The following TLR6 variants were observed in gnomAD, a reference collection of about 807,000 sequenced individuals.
TLR6 encodes the protein toll like receptor 6.
A neutral mutation model predicts 16.1 loss-of-function variants in TLR6; 9 were observed. The ratio of observed to expected loss-of-function variants is 0.56; its 90% CI spans 0.34 to 0.98. The LOEUF is 0.98. Among genes scored for constraint, TLR6 ranks in the 50% least tolerant of loss-of-function variants. The pLI, the probability that TLR6 is intolerant of heterozygous loss-of-function variation, is 0.02. For synonymous variants in TLR6, 340 were observed against 338.6 expected, an observed-to-expected ratio of 1.00 and a Z score of -0.04; for missense variants, 786 against 921.0, an observed-to-expected ratio of 0.85 and a Z score of 1.90.
At chr4:38,827,654 A>C (rs62622399) in exon 2 of TLR6, 21 of 1,614,112 alleles carry the variant, frequency 1.3e-5, no homozygotes, top group Non-Finnish European at 1.6e-5. Flanking sequence ...ATCCAAGTAG[A>C]TGCAGAGGGA....
At chr4:38,858,907 A>G (rs995921977), upstream of TLR6, among the ~76,000 whole-genome samples, 4 of 149,444 alleles carry the variant, frequency 2.7e-5, no homozygotes, top group African/African-American at 1.0e-4. Flanking sequence ...AAGAAAGAAA[A>G]GAAAGAAAGA....
chr4:38,834,350 G>A (rs11489109), intron 1 of TLR6, among the ~76,000 whole-genome samples: 4,713 of 120,944 alleles, frequency 0.039, 265 homozygotes, highest in African/African-American at 0.13. Flanking sequence ...CCAGTGAGGC[G>A]AAAAAAAAAA....
At chr4:38,838,298 T>C (rs1403488135) in intron 1 of TLR6, among the ~76,000 whole-genome samples, 1 of 152,226 alleles carries the variant, frequency 6.6e-6, no homozygotes, top group African/African-American at 2.4e-5. Flanking sequence ...TGCACCTCCA[T>C]GTTCATTGCA....
intron 1 of TLR6, among the ~76,000 whole-genome samples, chr4:38,851,025 A>G (rs961510923): frequency 9.9e-5 from 15 of 152,186 alleles, no homozygotes; most frequent in African/African-American, 3.6e-4. Context: ...CAAAAAGCTT[A>G]TCCACCATGA....
intron 1 of TLR6, among the ~76,000 whole-genome samples, chr4:38,837,273 G>A (rs867461796): frequency 6.6e-6 from 1 of 152,148 alleles, no homozygotes; most frequent in Middle Eastern, 3.4e-3. Context: ...ACCCCAAATA[G>A]CCAAATCAGT....
At chr4:38,837,289 G>A (rs1051636453) in intron 1 of TLR6, among the ~76,000 whole-genome samples, 3 of 152,228 alleles carry the variant, frequency 2.0e-5, no homozygotes, top group East Asian at 1.9e-4. Context: ...TCAGTACTGA[G>A]GAAAAGGGGC....
chr4:38,847,983 T>A (rs111570961), intron 1 of TLR6, among the ~76,000 whole-genome samples: 4,750 of 152,268 alleles, frequency 0.031, 218 homozygotes, highest in African/African-American at 0.087. Flanking sequence ...ACAGACTGCC[T>A]CCTCAAGTGG....
intron 1 of TLR6, among the ~76,000 whole-genome samples, chr4:38,847,443 C>G (rs894660242): frequency 2.6e-5 from 4 of 152,060 alleles, no homozygotes; most frequent in African/African-American, 9.7e-5. Context: ...GGGGGCAGGA[C>G]AGTGGGTGCA....
intron 1 of TLR6, among the ~76,000 whole-genome samples, chr4:38,840,968 G>A (rs1323743270): frequency 6.6e-6 from 1 of 152,054 alleles, no homozygotes; most frequent in Non-Finnish European, 1.5e-5. Flanking sequence ...GGTGAAAGTT[G>A]GCCAGCTCTT....
chr4:38,854,182 A>G (rs1297338231), intron 1 of TLR6, among the ~76,000 whole-genome samples: 1 of 152,236 alleles, frequency 6.6e-6, no homozygotes, highest in Admixed American at 6.5e-5. Flanking sequence ...CACAAAAAAT[A>G]AAACAGCACG....
At chr4:38,846,174 G>A (rs1186289442) in intron 1 of TLR6, among the ~76,000 whole-genome samples, 2 of 151,318 alleles carry the variant, frequency 1.3e-5, no homozygotes, top group African/African-American at 2.4e-5. Flanking sequence ...TATGAAAATA[G>A]ATCAACAAGC....
At chr4:38,838,285 A>G (rs1579248767) in intron 1 of TLR6, among the ~76,000 whole-genome samples, 2 of 152,240 alleles carry the variant, frequency 1.3e-5, no homozygotes, top group Non-Finnish European at 2.9e-5. Flanking sequence ...TCAAAGGGAT[A>G]CCTGCACCTC....
At chr4:38,853,457 G>T (rs555813447) in intron 1 of TLR6, among the ~76,000 whole-genome samples, 1 of 151,942 alleles carries the variant, frequency 6.6e-6, no homozygotes, top group African/African-American at 2.4e-5. Flanking sequence ...ATGACAGGAA[G>T]AAATACTGAA....
chr4:38,842,429 A>T (rs1712315655), intron 1 of TLR6, among the ~76,000 whole-genome samples: 1 of 152,204 alleles, frequency 6.6e-6, no homozygotes, highest in Non-Finnish European at 1.5e-5. Flanking sequence ...CCCAGGCCAA[A>T]GTGGTCATTT....
chr4:38,843,088 C>G (rs1012666736), intron 1 of TLR6, among the ~76,000 whole-genome samples: 1 of 152,174 alleles, frequency 6.6e-6, no homozygotes, highest in African/African-American at 2.4e-5. Context: ...TTTCTCAGGG[C>G]CCAGAAAGCC....
intron 1 of TLR6, among the ~76,000 whole-genome samples, chr4:38,850,791 T>C (rs1712740210): frequency 6.6e-6 from 1 of 152,228 alleles, no homozygotes; most frequent in Non-Finnish European, 1.5e-5. Context: ...AGCTGAATTC[T>C]ACCAGAGGTA....
chr4:38,835,492 G>C (rs1579245899), intron 1 of TLR6, among the ~76,000 whole-genome samples: 1 of 152,170 alleles, frequency 6.6e-6, no homozygotes, highest in Admixed American at 6.5e-5. Flanking sequence ...TAGATCAAAA[G>C]AGAGAGATAG....
At chr4:38,863,879 A>C in the TLR6 span, among the ~76,000 whole-genome samples, 1 of 152,162 alleles carries the variant, frequency 6.6e-6, no homozygotes, top group African/African-American at 2.4e-5. Flanking sequence ...AAAAGCCATA[A>C]GGGTGCCAGT....
upstream of TLR6, among the ~76,000 whole-genome samples, chr4:38,857,596 C>T (rs1369106717): frequency 6.6e-6 from 1 of 152,016 alleles, no homozygotes; most frequent in East Asian, 1.9e-4. Flanking sequence ...GGACAGAAGG[C>T]ATGAGTGAAA....
Sources: gnomAD v4.1 joint callset for allele counts (sites outside exome capture counted in the v4.1 genomes callset) on GRCh38, gnomAD v4.1.1 for gene constraint, MANE v1.5 for transcripts, NCBI Gene and HGNC (gene_info 2026-07-23, HGNC 2026-07-21) for gene names.